The following SFMBT1 variants were observed in gnomAD, a reference collection of about 807,000 sequenced individuals.
SFMBT1 encodes the protein scm-like with four MBT domains protein 1.
SFMBT1 carries 32 observed loss-of-function variants against 108.7 expected under a neutral mutation model. That is an observed-to-expected ratio of 0.29 (90% CI 0.22 to 0.40). SFMBT1 has a LOEUF of 0.40. Ranked by LOEUF, SFMBT1 falls within the 10% of genes least tolerant of loss-of-function variation. The pLI, the probability that SFMBT1 is intolerant of heterozygous loss-of-function variation, is 1.00. For synonymous variants in SFMBT1, 348 were observed against 369.5 expected (o/e 0.94, Z 0.67); for missense variants, 816 against 1,059.6 (o/e 0.77, Z 3.19).
chr3:53,005,281 A>C (rs1050323081), intron 1 of SFMBT1, among the ~76,000 whole-genome samples: 4 of 152,222 alleles, frequency 2.6e-5, no homozygotes, highest in African/African-American at 9.6e-5. Flanking sequence ...TGATGGGAGT[A>C]AAGTGAAGAG....
At chr3:52,913,441 A>T (rs770945403) in intron 15 of SFMBT1, 37 bp downstream of exon 15, 2 of 1,599,494 alleles carry the variant, frequency 1.3e-6, no homozygotes, top group South Asian at 2.3e-5. Flanking sequence ...AATGCTGTGA[A>T]ATTTCCAAGT....
rs1292643409 is a variant in SFMBT1, at chr3:52,932,203, T to C, written c.559A>G (p.Asn187Asp). The C allele has an allele frequency of 6.2e-7, 1 of 1,614,190 alleles. No homozygotes were observed. The highest frequency in any genetic ancestry group is 2.2e-5 in the East Asian group (1 of 44,870). Residue 187 changes from asparagine (N) to aspartate (D), a missense_variant, in exon 6 of 21, where the codon AAC becomes GAC. By Grantham distance (23) the Asn-to-Asp change is conservative. Coordinates refer to ENST00000394752, the MANE Select transcript of SFMBT1 (RefSeq NM_016329.4). Reference sequence around the variant, plus strand: ...CGTAGCTTCAGCCTTCCTCCAATGTTTTCTACTACAGTAACAATCCAAGTG... The same window carrying C: ...CGTAGCTTCAGCCTTCCTCCAATGTCTTCTACTACAGTAACAATCCAAGTG... Reference protein sequence around the residue: ...LSTWIVTVVENIGGRLKLRYE... With the variant: ...LSTWIVTVVEDIGGRLKLRYE...
At chr3:53,031,025 G>T (rs1387412067) in intron 1 of SFMBT1, among the ~76,000 whole-genome samples, 1 of 152,186 alleles carries the variant, frequency 6.6e-6, no homozygotes, top group Non-Finnish European at 1.5e-5. Context: ...CGGGGCAGGG[G>T]CAAGGGAGAT....
chr3:53,041,101 G>A (rs1410950033), intron 1 of SFMBT1, among the ~76,000 whole-genome samples: 1 of 148,836 alleles, frequency 6.7e-6, no homozygotes, highest in Non-Finnish European at 1.5e-5. Flanking sequence ...GGGATTACAG[G>A]TGTAAGTCAC....
At chr3:53,022,833 G>A (rs955256058) in intron 1 of SFMBT1, among the ~76,000 whole-genome samples, 8 of 152,068 alleles carry the variant, frequency 5.3e-5, no homozygotes, top group Middle Eastern at 3.2e-3. Context: ...TGATGGAGAC[G>A]GACTGTGGTA....
intron 3 of SFMBT1, among the ~76,000 whole-genome samples, chr3:52,951,416 T>A (rs1339317852): frequency 2.0e-5 from 3 of 150,810 alleles, no homozygotes; most frequent in Admixed American, 6.6e-5. Flanking sequence ...TTAAAAGAAA[T>A]TCTTTTTTTT....
intron 1 of SFMBT1, among the ~76,000 whole-genome samples, chr3:52,992,700 G>A (rs1263774742): frequency 6.6e-6 from 1 of 152,094 alleles, no homozygotes; most frequent in Non-Finnish European, 1.5e-5. Flanking sequence ...AAAAACTAAG[G>A]GAAATCATAG....
chr3:52,986,407 T>A (rs1156350566), intron 1 of SFMBT1, among the ~76,000 whole-genome samples: 1 of 152,218 alleles, frequency 6.6e-6, no homozygotes, highest in Non-Finnish European at 1.5e-5. Context: ...TTTTGATTTT[T>A]AAAATTTTTT....
rs35259402 is a variant in SFMBT1, at chr3:52,918,421, C to T, written c.1415+63G>A. On this transcript the variant is annotated intron_variant, in intron 13 of 20. Coordinates refer to ENST00000394752, the MANE Select transcript of SFMBT1 (RefSeq NM_016329.4). ...CTGAGAAAATGAGGAAATATACCCTCTGAAATAGTTATTTTTCTAGATATT... is the reference window on the plus strand; with the variant it reads ...CTGAGAAAATGAGGAAATATACCCTTTGAAATAGTTATTTTTCTAGATATT... 4.3e-3 allele frequency: 5,581 copies of T among 1,303,048 alleles called. 24 individuals are homozygous for T. Among genetic ancestry groups the T allele is most frequent in the Admixed American group, 6.5e-3 (248 of 38,036 alleles). 80.7% of individuals were successfully genotyped at this position (1,303,048 alleles called of 1,614,324 possible).
intron 1 of SFMBT1, among the ~76,000 whole-genome samples, chr3:52,995,531 C>T (rs1437432984): frequency 1.3e-5 from 2 of 150,016 alleles, no homozygotes. Flanking sequence ...GCTAGGACTA[C>T]AGGCATATGC....
At chr3:52,923,973 G>A (rs1702588016) in intron 10 of SFMBT1, among the ~76,000 whole-genome samples, 2 of 152,072 alleles carry the variant, frequency 1.3e-5, no homozygotes, top group South Asian at 2.1e-4. Context: ...AGAAAGGGTC[G>A]GGGGAAAAGC....
intron 17 of SFMBT1, 38 bp downstream of exon 17, chr3:52,910,965 A>C (rs1022496944): frequency 1.2e-5 from 19 of 1,602,834 alleles, no homozygotes; most frequent in Non-Finnish European, 1.5e-5. Flanking sequence ...AGGTATGGTC[A>C]GCTGCTATGG....
chr3:52,907,916 A>AT (rs898733263), intron 17 of SFMBT1, among the ~76,000 whole-genome samples, 183 bp from the exon 18 acceptor site: 5 of 152,190 alleles, frequency 3.3e-5, no homozygotes, highest in African/African-American at 1.2e-4. Context: ...TGATCCCTCC[A>AT]TATCAAAGTA....
intron 2 of SFMBT1, among the ~76,000 whole-genome samples, chr3:52,959,335 A>G (rs1703885942): frequency 6.6e-6 from 1 of 152,180 alleles, no homozygotes; most frequent in Non-Finnish European, 1.5e-5. Context: ...TCTACTGGCT[A>G]TCTCTAGTCC....
At chr3:52,913,706 A>C in intron 14 of SFMBT1, 89 bp from the exon 15 acceptor site, 2 of 1,353,898 alleles carry the variant, frequency 1.5e-6, no homozygotes, top group East Asian at 4.7e-5. Context: ...AAAACGAAGC[A>C]CATGTACCAT....
At chr3:52,963,855 T>C (rs4519686) in intron 2 of SFMBT1, among the ~76,000 whole-genome samples, 111,758 of 152,126 alleles carry the variant, frequency 0.73, 41,290 homozygotes, top group South Asian at 0.87. Flanking sequence ...GGTTGATATC[T>C]AAAATGTTGG....
chr3:52,987,524 G>C (rs1704969756), intron 1 of SFMBT1, among the ~76,000 whole-genome samples: 1 of 152,154 alleles, frequency 6.6e-6, no homozygotes, highest in Non-Finnish European at 1.5e-5. Context: ...ATCATGCCAT[G>C]CATGACTGTA....
Position 52,907,689 on chromosome 3 carries a change from G to C in SFMBT1, c.1951C>G (p.Pro651Ala). 6.2e-7 allele frequency: 1 copy of C among 1,613,384 alleles called. No homozygotes were observed. The highest frequency in any genetic ancestry group is 1.3e-5 in the African/African-American group (1 of 74,910). The change falls in exon 18 of 21, where the codon CCT becomes GCT. Residue 651 changes from proline (P) to alanine (A), a missense_variant. Around this residue, in one of 5 missense-constraint regions of SFMBT1, gnomAD observed 177 missense variants for 182.0 expected, o/e 0.97. Coordinates refer to ENST00000394752, the MANE Select transcript of SFMBT1 (RefSeq NM_016329.4). ...CAAGCTAAGTTACTATGCCCACCAG[G>C]TGGCCTCCCAATTCTTTTATTTTTC... ...KKKNKRIGRP[P>A]GGHSNLACAL...
rs1367778581 is a variant in SFMBT1, at chr3:52,904,064, ATG to A, written c.*1070_*1071del. The A allele has an allele frequency of 6.6e-6, 1 of 152,138 alleles. No individual in the cohort carries two copies. Among genetic ancestry groups the A allele is most frequent in the Admixed American group, 6.5e-5 (1 of 15,268 alleles). The allele number at this position is 152,138 out of a possible 1,614,324, so 9.4% of individuals were successfully genotyped here. On this transcript the variant is annotated 3_prime_UTR_variant, in exon 21 of 21. Transcript: ENST00000394752. Reference sequence around the variant, plus strand: ...CATGCTCTGCGTTACCCTCCAAAACATGTTTTCTGTGCTGTGCTTCTACACTG... The same window carrying A: ...CATGCTCTGCGTTACCCTCCAAAACATTTTCTGTGCTGTGCTTCTACACTG...
Sources: gnomAD v4.1 joint callset for allele counts (sites outside exome capture counted in the v4.1 genomes callset) on GRCh38, gnomAD v4.1.1 for gene constraint, gnomAD v4.1.1 regional missense constraint, MANE v1.5 for transcripts, NCBI Gene and HGNC (gene_info 2026-07-23, HGNC 2026-07-21) for gene names.